The following STMN2 variants were observed in gnomAD, a reference collection of about 807,000 sequenced individuals.
STMN2 encodes stathmin 2.
In STMN2, 2 loss-of-function variants were observed where a neutral mutation model predicts 24.1. The ratio of observed to expected loss-of-function variants is 0.08; its 90% CI spans 0.03 to 0.26. The LOEUF (loss-of-function observed/expected upper bound fraction) is 0.26. Ranked by LOEUF, STMN2 falls within the 10% of genes least tolerant of loss-of-function variation. The probability of loss-of-function intolerance (pLI) is 1.00; values close to 1 mark genes in which losing one functional copy is unlikely to be tolerated. For synonymous variants in STMN2, 83 were observed against 77.5 expected (o/e 1.07, Z -0.37); for missense variants, 114 against 213.6 (o/e 0.53, Z 2.91).
chr8:79,635,696 G>A (rs1809930002), intron 1 of STMN2, among the ~76,000 whole-genome samples: 1 of 152,124 alleles, frequency 6.6e-6, no homozygotes, highest in African/African-American at 2.4e-5. Context: ...ATAAGTGGGA[G>A]CTAAACACTG....
chr8:79,654,617 A>G (rs1265993429), intron 3 of STMN2, among the ~76,000 whole-genome samples: 1 of 152,158 alleles, frequency 6.6e-6, no homozygotes, highest in African/African-American at 2.4e-5. Context: ...TAACTCCTCA[A>G]TGAGGATTAA....
At chr8:79,623,056 A>G (rs1231509174) in intron 1 of STMN2, among the ~76,000 whole-genome samples, 1 of 152,050 alleles carries the variant, frequency 6.6e-6, no homozygotes, top group Non-Finnish European at 1.5e-5. Flanking sequence ...TCTTTCAGGG[A>G]TCCTCCCGTT....
At chr8:79,660,433 C>T (rs867760018) in intron 4 of STMN2, among the ~76,000 whole-genome samples, 1 of 152,082 alleles carries the variant, frequency 6.6e-6, no homozygotes, top group Admixed American at 6.6e-5. Flanking sequence ...TTTCCCCTAT[C>T]CAACCATGAA....
At chr8:79,613,454 C>G (rs979975372) in intron 1 of STMN2, 5 of 985,362 alleles carry the variant, frequency 5.1e-6, no homozygotes, top group South Asian at 4.7e-5. Context: ...TGAGCTACCC[C>G]CGCTTTCCAC....
intron 1 of STMN2, among the ~76,000 whole-genome samples, chr8:79,625,129 C>T (rs1809621876): frequency 6.6e-6 from 1 of 152,186 alleles, no homozygotes; most frequent in Non-Finnish European, 1.5e-5. Context: ...CTTTCCACTG[C>T]ACTCTAGATT....
intron 4 of STMN2, among the ~76,000 whole-genome samples, chr8:79,657,990 C>G (rs1050205041): frequency 3.9e-5 from 6 of 152,136 alleles, no homozygotes; most frequent in Admixed American, 2.6e-4. Flanking sequence ...TGAAATCTAC[C>G]ATATCAAAAG....
intron 1 of STMN2, among the ~76,000 whole-genome samples, chr8:79,624,176 T>C (rs893254383): frequency 6.6e-5 from 10 of 152,072 alleles, no homozygotes; most frequent in South Asian, 4.2e-4. Context: ...ATAAGGAGGC[T>C]GGGCGTGGTG....
chr8:79,660,174 AC>A (rs1806473780), intron 4 of STMN2, among the ~76,000 whole-genome samples: 1 of 152,206 alleles, frequency 6.6e-6, no homozygotes, highest in South Asian at 2.1e-4. Context: ...GAACCATCAG[AC>A]AGCAGGACGA....
In STMN2 at chr8:79,664,871, C is replaced by CTGAA. The variant is rs774179375; in HGVS notation, c.538_*1dup. 5 of 1,612,738 alleles carry CTGAA rather than the reference C, an allele frequency of 3.1e-6. No individual in the cohort carries two copies. Among genetic ancestry groups the CTGAA allele is most frequent in the Non-Finnish European group, 4.2e-6 (5 of 1,179,394 alleles). ...AGGAACTCCAGGTTGAACTGTCTGG[C>CTGAA]TGAAGCAAGGGAGGGTCTGGCACGC... On this transcript the variant is annotated frameshift_variant and stop_retained_variant, in exon 5 of 5. Transcript: ENST00000220876. LOFTEE classifies it high-confidence loss of function.
At chr8:79,662,238 T>C (rs1358477493) in intron 4 of STMN2, among the ~76,000 whole-genome samples, 1 of 152,126 alleles carries the variant, frequency 6.6e-6, no homozygotes, top group Non-Finnish European at 1.5e-5. Flanking sequence ...TTCCTTTATA[T>C]TGATGGGAGG....
At chr8:79,621,745 C>T (rs563757584) in intron 1 of STMN2, among the ~76,000 whole-genome samples, 26 of 152,208 alleles carry the variant, frequency 1.7e-4, no homozygotes, top group Non-Finnish European at 3.4e-4. Flanking sequence ...AGCAAGTAGA[C>T]ACTGAAAATA....
chr8:79,658,495 G>C (rs544343273), intron 4 of STMN2, among the ~76,000 whole-genome samples: 1 of 152,104 alleles, frequency 6.6e-6, no homozygotes, highest in East Asian at 1.9e-4. Context: ...AACAATTAGA[G>C]AATAAGACAA....
intron 4 of STMN2, among the ~76,000 whole-genome samples, chr8:79,664,289 G>A (rs1455864348): frequency 2.6e-5 from 4 of 152,198 alleles, no homozygotes; most frequent in Admixed American, 1.3e-4. Flanking sequence ...CCATTAAACT[G>A]AAACATCAAG....
chr8:79,626,587 C>T (rs906029914), intron 1 of STMN2, among the ~76,000 whole-genome samples: 3 of 152,172 alleles, frequency 2.0e-5, no homozygotes, highest in African/African-American at 4.8e-5. Flanking sequence ...TCCAACATCT[C>T]GGCTCTTAAC....
chr8:79,662,600 A>T (rs1806525995), intron 4 of STMN2, among the ~76,000 whole-genome samples: 1 of 152,126 alleles, frequency 6.6e-6, no homozygotes, highest in Non-Finnish European at 1.5e-5. Context: ...AATGCCTGAA[A>T]ACAAATAATT....
intron 1 of STMN2, among the ~76,000 whole-genome samples, chr8:79,628,352 C>T (rs1382158301): frequency 2.0e-5 from 3 of 151,856 alleles, no homozygotes; most frequent in African/African-American, 2.4e-5. Context: ...TTAGTAGAGA[C>T]GGGGTTTCAC....
At chr8:79,630,727 C>A (rs1359319561) in intron 1 of STMN2, among the ~76,000 whole-genome samples, 1 of 152,168 alleles carries the variant, frequency 6.6e-6, no homozygotes, top group Non-Finnish European at 1.5e-5. Context: ...AGGAGCATCC[C>A]AGCTTAGAAG....
chr8:79,630,643 T>TAATAGGGAG (rs1363608611), intron 1 of STMN2, among the ~76,000 whole-genome samples: 5 of 152,220 alleles, frequency 3.3e-5, no homozygotes, highest in Admixed American at 3.3e-4. Context: ...GGAATTGAAA[T>TAATAGGGAG]CACTTGGGTG....
At chr8:79,648,876 T>A (rs1810275818) in intron 3 of STMN2, among the ~76,000 whole-genome samples, 1 of 151,932 alleles carries the variant, frequency 6.6e-6, no homozygotes, top group African/African-American at 2.4e-5. Flanking sequence ...CCTGAAAAAA[T>A]TAATATTGTG....
Sources: allele counts gnomAD v4.1 joint callset (sites outside exome capture counted in the v4.1 genomes callset), GRCh38; gene constraint gnomAD v4.1.1; transcripts MANE v1.5; gene names NCBI Gene and HGNC (gene_info 2026-07-23, HGNC 2026-07-21).